SVEP1: variants seen among roughly 807,000 people sequenced by gnomAD.
The protein encoded by SVEP1 is sushi, von Willebrand factor type A, EGF and pentraxin domain-containing protein 1.
SVEP1 carries 164 observed loss-of-function variants against 367.3 expected under a neutral mutation model. That is an observed-to-expected ratio of 0.45 (90% confidence interval 0.39 to 0.51). The LOEUF (loss-of-function observed/expected upper bound fraction) is 0.51, where lower values mean the gene tolerates loss of function less well. Ranked by LOEUF, SVEP1 falls within the 20% of genes least tolerant of loss-of-function variation. SVEP1 has a pLI of 0.00. For missense variants in SVEP1, 4,117 were observed against 4,425.3 expected, an observed-to-expected ratio of 0.93 and a Z score of 1.98; for synonymous variants, 1,666 against 1,611.6, an observed-to-expected ratio of 1.03 and a Z score of -0.81.
At chr9:110,449,957 A>T in intron 24 of SVEP1, 102 bp downstream of exon 24, 3 of 1,337,164 alleles carry the variant, frequency 2.2e-6, no homozygotes, top group Non-Finnish European at 3.1e-6. Flanking sequence ...GCATTTGAGA[A>T]TGACTGACTT....
chr9:110,486,606 T>C (rs116284242), intron 9 of SVEP1, among the ~76,000 whole-genome samples: 4,239 of 151,904 alleles, frequency 0.028, 189 homozygotes, highest in African/African-American at 0.097. Context: ...TCCTTCTTTC[T>C]CTGCTTCATC....
At chr9:110,466,455 T>C (rs1007426020) in intron 17 of SVEP1, among the ~76,000 whole-genome samples, 1 of 152,014 alleles carries the variant, frequency 6.6e-6, no homozygotes, top group African/African-American at 2.4e-5. Context: ...CTCTGAAATC[T>C]CTGCTTTAAA....
intron 20 of SVEP1, chr9:110,458,240 C>T: frequency 1.7e-6 from 1 of 598,308 alleles, no homozygotes; most frequent in Non-Finnish European, 3.0e-6. Context: ...ATTCTTATTG[C>T]CAGGCATTTC....
intron 39 of SVEP1, 61 bp downstream of exon 39, chr9:110,404,266 G>C: frequency 6.6e-7 from 1 of 1,506,826 alleles, no homozygotes; most frequent in South Asian, 1.1e-5. Context: ...TATAGATACT[G>C]CTTGCTTGGC....
chr9:110,426,627 T>C (rs1004265103), intron 36 of SVEP1, among the ~76,000 whole-genome samples: 3 of 152,192 alleles, frequency 2.0e-5, no homozygotes, highest in Non-Finnish European at 2.9e-5. Context: ...AAAATATTTA[T>C]TGAGGATGCA....
intron 36 of SVEP1, among the ~76,000 whole-genome samples, chr9:110,426,268 A>G (rs1828251599): frequency 6.6e-6 from 1 of 152,236 alleles, no homozygotes; most frequent in African/African-American, 2.4e-5. Flanking sequence ...GCTGGCAGTC[A>G]TGTATTAGTG....
At chr9:110,485,993 G>A (rs1017646691) in intron 9 of SVEP1, among the ~76,000 whole-genome samples, 1 of 152,140 alleles carries the variant, frequency 6.6e-6, no homozygotes, top group Non-Finnish European at 1.5e-5. Flanking sequence ...GACCAGTGAT[G>A]CAGTTTATTA....
intron 35 of SVEP1, among the ~76,000 whole-genome samples, chr9:110,428,199 C>T (rs1271824825): frequency 6.6e-6 from 1 of 152,106 alleles, no homozygotes; most frequent in Non-Finnish European, 1.5e-5. Context: ...ACCATGCTGC[C>T]CCTGACTCTG....
At chr9:110,448,521 C>T (rs569102748) in intron 24 of SVEP1, among the ~76,000 whole-genome samples, 8 of 152,286 alleles carry the variant, frequency 5.3e-5, no homozygotes, top group East Asian at 1.9e-4. Context: ...CTGCATTTGA[C>T]GGTAAATCTA....
chr9:110,403,296 G>GTGTTTTTT, intron 39 of SVEP1, among the ~76,000 whole-genome samples: 2 of 43,460 alleles, frequency 4.6e-5, no homozygotes, highest in Non-Finnish European at 3.7e-5. Context: ...CGCCACCGCC[G>GTGTTTTTT]TTTTTTTTTT....
intron 39 of SVEP1, among the ~76,000 whole-genome samples, chr9:110,402,027 T>C (rs1388719705): frequency 3.3e-5 from 5 of 152,100 alleles, no homozygotes; most frequent in African/African-American, 9.6e-5. Flanking sequence ...TTCAATATTG[T>C]AAGTAATGCC....
chr9:110,549,347 T>C (rs1278600143), intron 2 of SVEP1, among the ~76,000 whole-genome samples: 2 of 152,148 alleles, frequency 1.3e-5, no homozygotes, highest in Non-Finnish European at 2.9e-5. Context: ...CCTTTTAGGG[T>C]TAATGCTCTT....
At chr9:110,405,798 T>C (rs926425175) in intron 38 of SVEP1, among the ~76,000 whole-genome samples, 1 of 152,232 alleles carries the variant, frequency 6.6e-6, no homozygotes, top group Admixed American at 6.5e-5. Flanking sequence ...TGTGTCAATA[T>C]AATCACAAAG....
chr9:110,383,794 C>G (rs995133183), intron 43 of SVEP1, among the ~76,000 whole-genome samples: 8 of 152,148 alleles, frequency 5.3e-5, no homozygotes, highest in African/African-American at 1.9e-4. Flanking sequence ...TCATAAACCC[C>G]TGGCTGGAGT....
Position 110,465,992 on chromosome 9 carries a change from T to G in SVEP1, c.3195A>C (p.Gly1065=). The G allele has an allele frequency of 6.2e-7, 1 of 1,613,642 alleles. No homozygotes were observed. The highest frequency in any genetic ancestry group is 8.5e-7 in the Non-Finnish European group (1 of 1,179,750). Residue 1065 remains glycine (G), a synonymous_variant, in exon 18 of 48, where the codon GGA becomes GGC. Coordinates refer to ENST00000374469, the MANE Select transcript of SVEP1 (RefSeq NM_153366.4). The part of the protein sequence containing the change: ...QCKQGTYSYS[G]LETCESCPLG... ...GTGGACACGATTCACAAGTCTCAAG[T>G]CCACTGTATGAGTAGGTGCCTTGTT...
At chr9:110,578,310 G>A (rs1264291053) in intron 1 of SVEP1, among the ~76,000 whole-genome samples, 1 of 151,852 alleles carries the variant, frequency 6.6e-6, no homozygotes, top group African/African-American at 2.4e-5. Flanking sequence ...TGTACATACT[G>A]GGCAACTGTT....
chr9:110,409,082 G>T, intron 37 of SVEP1, 131 bp from the exon 38 acceptor site: 1 of 1,045,104 alleles, frequency 9.6e-7, no homozygotes, highest in Non-Finnish European at 1.3e-6. Flanking sequence ...AGCAAATAAT[G>T]ATTTATGGTT....
At chr9:110,448,089 A>G (rs1564145542) in intron 24 of SVEP1, among the ~76,000 whole-genome samples, 3 of 152,270 alleles carry the variant, frequency 2.0e-5, no homozygotes, top group Non-Finnish European at 1.5e-5. Flanking sequence ...AGATATATTC[A>G]GACTGCAGGA....
At chr9:110,468,882 C>T (rs954646610) in intron 17 of SVEP1, 58 bp downstream of exon 17, 2 of 1,478,852 alleles carry the variant, frequency 1.4e-6, no homozygotes, top group South Asian at 1.4e-5. Flanking sequence ...CTTTCTTTCC[C>T]CCAAAAGGGA....
Sources: gnomAD v4.1 joint callset for allele counts (sites outside exome capture counted in the v4.1 genomes callset) on GRCh38, gnomAD v4.1.1 for gene constraint, MANE v1.5 for transcripts, NCBI Gene and HGNC (gene_info 2026-07-23, HGNC 2026-07-21) for gene names.